Variants in UNC80 observed in about 807,000 individuals in gnomAD.
UNC80 encodes the protein unc-80 subunit of NALCN channel complex.
A neutral mutation model predicts 384.6 loss-of-function variants in UNC80; 164 were observed. That is an observed-to-expected ratio of 0.43 (90% CI 0.38 to 0.49). The LOEUF is 0.49. Ranked by LOEUF, UNC80 falls within the 20% of genes least tolerant of loss-of-function variation. UNC80 has a pLI of 0.00. For missense variants in UNC80, 3,330 were observed against 4,143.0 expected (o/e 0.80, Z 5.39); for synonymous variants, 1,486 against 1,527.8 (o/e 0.97, Z 0.64).
rs1006159323 is a variant in UNC80 at position 209,943,388 on chromosome 2, C to T, written c.6924C>T (p.Ser2308=). 3.0e-5 allele frequency: 47 copies of T among 1,551,980 alleles called. No homozygotes were observed. The highest frequency in any genetic ancestry group is 2.2e-4 in the East Asian group (9 of 40,914). ...WILPTMLQVY[S]DYESNPQLRQ... ...CTGGCATTTTTCCATAGGTGTACTC[C>T]GACTATGAAAGCAATCCCCAGCTGC... Residue 2308 remains serine (S), a synonymous_variant, in exon 45 of 65, where the codon TCC becomes TCT. Transcript: ENST00000673920.
chr2:209,967,360 T>A, intron 51 of UNC80, 77 bp from the exon 52 acceptor site: 3 of 1,112,904 alleles, frequency 2.7e-6, no homozygotes, highest in Non-Finnish European at 3.6e-6. Context: ...GATTAACATG[T>A]TGCTGTGTAA....
In UNC80 at chr2:209,977,017, G is replaced by T. The variant is rs188436293; in HGVS notation, c.8877G>T (p.Ser2959=). The change falls in exon 58 of 65, where the codon TCG becomes TCT. Residue 2959 remains serine, a synonymous_variant. Coordinates refer to ENST00000673920, the MANE Select transcript of UNC80 (RefSeq NM_001371986.1). ...TACCACGCCCTTTGTGTAAGAGCTC[G>T]CTCATTGCTGAGTTCAACAGTGAAC... is the stretch of plus-strand genomic sequence containing the variant. The part of the protein sequence containing the change: ...RFIPRPLCKS[S]LIAEFNSELK... 4 of 1,537,948 alleles carry T rather than the reference G, an allele frequency of 2.6e-6. No homozygotes were observed. The highest frequency in any genetic ancestry group is 2.4e-5 in the South Asian group (2 of 83,534).
intron 28 of UNC80, among the ~76,000 whole-genome samples, chr2:209,903,494 A>AC (rs1215785497): frequency 5.4e-5 from 6 of 111,742 alleles, no homozygotes; most frequent in African/African-American, 2.2e-4. Context: ...TAATATATAT[A>AC]TTATATATAG....
At chr2:209,949,924 C>G (rs114806988) in intron 47 of UNC80, among the ~76,000 whole-genome samples, 14 of 152,264 alleles carry the variant, frequency 9.2e-5, no homozygotes, top group African/African-American at 3.1e-4. Context: ...ATCTCCCAGA[C>G]TCGAGCAATC....
At chr2:209,991,318 A>T (rs575733062) in intron 61 of UNC80, among the ~76,000 whole-genome samples, 6 of 152,290 alleles carry the variant, frequency 3.9e-5, no homozygotes, top group Admixed American at 2.0e-4. Context: ...TTCTTTTTTC[A>T]TCCCCACGCC....
intron 7 of UNC80, chr2:209,794,712 T>C (rs533685790): frequency 2.7e-5 from 12 of 442,014 alleles, no homozygotes; most frequent in African/African-American, 2.2e-4. Context: ...CGATAGTGAG[T>C]AAATCTCATG....
At chr2:209,915,404 C>CA (rs5838189) in intron 31 of UNC80, among the ~76,000 whole-genome samples, 838 of 76,532 alleles carry the variant, frequency 0.011, 16 homozygotes, top group East Asian at 0.073. Context: ...GACTCTGTCT[C>CA]AAAAAAAAAA....
chr2:209,787,623 A>G (rs1273988479), intron 5 of UNC80, among the ~76,000 whole-genome samples: 2 of 152,320 alleles, frequency 1.3e-5, no homozygotes, highest in South Asian at 2.1e-4. Flanking sequence ...TCTCGTAGCC[A>G]TGGTAACATA....
intron 22 of UNC80, among the ~76,000 whole-genome samples, chr2:209,865,800 G>A (rs887269794): frequency 6.6e-6 from 1 of 152,090 alleles, no homozygotes; most frequent in Non-Finnish European, 1.5e-5. Flanking sequence ...TTTCAGAAGT[G>A]TCTTTAGTGA....
chr2:209,786,022 G>C, intron 4 of UNC80, 44 bp from the exon 5 acceptor site: 5 of 1,601,352 alleles, frequency 3.1e-6, no homozygotes, highest in Non-Finnish European at 4.3e-6. Flanking sequence ...TTAAGCAGCT[G>C]TTACATGTCA....
chr2:209,958,723 A>G (rs999676743), intron 49 of UNC80, among the ~76,000 whole-genome samples: 7 of 152,204 alleles, frequency 4.6e-5, no homozygotes, highest in East Asian at 1.9e-4. Flanking sequence ...TCATAAAGCA[A>G]TAAGTCTCCA....
rs544638449 is a variant in UNC80 at position 209,989,878 on chromosome 2, T to C, written c.9315-2288T>C. On this transcript the variant is annotated intron_variant, in intron 61 of 64. Transcript: ENST00000673920. The stretch of plus-strand genomic sequence containing the variant: ...TTTTTTGGCTGCTTATTCCTAACTG[T>C]ACAGAGTTAAGCCAGCCTTCGATAT... Among the ~76,000 whole-genome samples the C allele has an allele frequency of 2.0e-5, 3 of 152,342 alleles. No homozygotes were observed. In the South Asian group the frequency reaches 6.2e-4, roughly 32 times the overall value.
chr2:209,918,710 A>G (rs1344149841), intron 33 of UNC80, 47 bp downstream of exon 33: 3 of 1,465,820 alleles, frequency 2.0e-6, no homozygotes, highest in Non-Finnish European at 2.7e-6. Context: ...TGTAAAAGAG[A>G]ACAATTAATA....
At chr2:209,914,480 C>T (rs994079416) in intron 31 of UNC80, among the ~76,000 whole-genome samples, 8 of 152,006 alleles carry the variant, frequency 5.3e-5, no homozygotes, top group Admixed American at 2.0e-4. Context: ...TCAAAATACA[C>T]GTGATAAAAA....
intron 55 of UNC80, 79 bp downstream of exon 55, chr2:209,972,403 G>C: frequency 2.0e-6 from 3 of 1,517,086 alleles, no homozygotes; most frequent in Non-Finnish European, 2.7e-6. Flanking sequence ...TCTTTTTCCT[G>C]TTCCCATGAA....
intron 63 of UNC80, 72 bp downstream of exon 63, chr2:209,993,498 A>G (rs1198443856): frequency 3.0e-6 from 4 of 1,325,336 alleles, no homozygotes; most frequent in Admixed American, 2.1e-5. Context: ...GAAGGCTTAC[A>G]AAAACCAAGC....
chr2:209,808,994 C>T (rs1162216311), intron 7 of UNC80: 10 of 325,252 alleles, frequency 3.1e-5, no homozygotes, highest in Non-Finnish European at 5.9e-5. Context: ...CAACCAACTG[C>T]CAGGGCCTCC....
intron 18 of UNC80, among the ~76,000 whole-genome samples, chr2:209,838,542 G>A (rs754377125): frequency 1.3e-5 from 2 of 152,144 alleles, no homozygotes; most frequent in Non-Finnish European, 2.9e-5. Context: ...CGGGTGTGGT[G>A]TGATGGCATT....
At chr2:209,973,868 C>G (rs1276079831) in intron 56 of UNC80, among the ~76,000 whole-genome samples, 2 of 152,180 alleles carry the variant, frequency 1.3e-5, no homozygotes, top group African/African-American at 4.8e-5. Context: ...CTTTAATCTC[C>G]ATTTTGATCA....
Sources: allele counts gnomAD v4.1 joint callset (sites outside exome capture counted in the v4.1 genomes callset), GRCh38; gene constraint gnomAD v4.1.1; transcripts MANE v1.5; gene names NCBI Gene and HGNC (gene_info 2026-07-23, HGNC 2026-07-21).